TCF4: variants seen among roughly 807,000 people sequenced by gnomAD.
The protein encoded by TCF4 is transcription factor 4.
Under a neutral mutation model 82.1 loss-of-function variants are expected in TCF4, and 3 were observed. The ratio of observed to expected loss-of-function variants is 0.04; its 90% CI spans 0.02 to 0.09. The LOEUF (loss-of-function observed/expected upper bound fraction) is 0.09. TCF4 is among the 10% of genes least tolerant of loss of function. TCF4 has a pLI of 1.00. For missense variants in TCF4, 518 were observed against 852.7 expected, an observed-to-expected ratio of 0.61 and a Z score of 4.89; for synonymous variants, 276 against 309.6, an observed-to-expected ratio of 0.89 and a Z score of 1.14.
At chr18:55,498,147 T>C (rs973993753) in intron 3 of TCF4, among the ~76,000 whole-genome samples, 5 of 152,224 alleles carry the variant, frequency 3.3e-5, no homozygotes, top group East Asian at 1.9e-4. Flanking sequence ...AAGCATAAGA[T>C]GTGAAGACCT....
chr18:55,522,676 A>T (rs1364002658), intron 3 of TCF4, among the ~76,000 whole-genome samples: 2 of 152,120 alleles, frequency 1.3e-5, no homozygotes, highest in Non-Finnish European at 2.9e-5. Context: ...ATGGAAAAAA[A>T]GAGATAATAA....
Position 55,369,115 on chromosome 18 carries a change from A to G in TCF4, c.370-18112T>C, listed in dbSNP as rs533263481. ...GACGTCTGTTGAAACTGGATAATGAATACATAGTAGCGCATCTTATAATAC... is the reference window on the plus strand; with the variant it reads ...GACGTCTGTTGAAACTGGATAATGAGTACATAGTAGCGCATCTTATAATAC... On this transcript the variant is annotated intron_variant, in intron 6 of 19. Coordinates refer to ENST00000354452, the MANE Select transcript of TCF4 (RefSeq NM_001083962.2). Among the ~76,000 whole-genome samples the G allele has an allele frequency of 6.6e-4, 100 of 152,316 alleles. 2 individuals are homozygous for G. The South Asian group carries it at 0.019, about 30-fold the overall frequency.
chr18:55,313,103 T>C (rs1189804324), intron 8 of TCF4, among the ~76,000 whole-genome samples: 1 of 152,138 alleles, frequency 6.6e-6, no homozygotes, highest in Non-Finnish European at 1.5e-5. Flanking sequence ...AGGCTCCCAT[T>C]TCTTTACTGA....
chr18:55,303,374 C>T (rs1309942593), intron 8 of TCF4, among the ~76,000 whole-genome samples: 1 of 152,030 alleles, frequency 6.6e-6, no homozygotes, highest in Admixed American at 6.6e-5. Flanking sequence ...GGATTATCAC[C>T]TCCAATTAAG....
intron 7 of TCF4, 93 bp downstream of exon 7, chr18:55,350,781 A>T: frequency 6.4e-7 from 1 of 1,560,298 alleles, no homozygotes; most frequent in Non-Finnish European, 8.8e-7. Flanking sequence ...TTGGGGTGGG[A>T]GGTAGGATGG....
chr18:55,403,340 A>C, intron 6 of TCF4, 114 bp downstream of exon 6: 1 of 1,177,574 alleles, frequency 8.5e-7, no homozygotes. Context: ...CCATCATCTG[A>C]CTTGCCGGTG....
intron 2 of TCF4, among the ~76,000 whole-genome samples, chr18:55,620,149 C>T (rs879760121): frequency 6.6e-6 from 1 of 152,298 alleles, no homozygotes; most frequent in Admixed American, 6.5e-5. Context: ...TCACCTTCCA[C>T]CATGATTGTA....
intron 3 of TCF4, among the ~76,000 whole-genome samples, chr18:55,564,872 C>T (rs2097389046): frequency 6.6e-6 from 1 of 152,104 alleles, no homozygotes; most frequent in Admixed American, 6.5e-5. Flanking sequence ...TCCCAACAAC[C>T]CTATTTCTAT....
intron 3 of TCF4, among the ~76,000 whole-genome samples, chr18:55,465,845 A>G (rs1004158219): frequency 6.6e-6 from 1 of 152,208 alleles, no homozygotes; most frequent in African/African-American, 2.4e-5. Flanking sequence ...CTTTTCACCT[A>G]TAACAGCCAG....
At chr18:55,378,897 T>C (rs1233659783) in intron 6 of TCF4, among the ~76,000 whole-genome samples, 1 of 152,228 alleles carries the variant, frequency 6.6e-6, no homozygotes, top group Non-Finnish European at 1.5e-5. Context: ...CGTAGGGAAC[T>C]TGGTCTTTTC....
intron 6 of TCF4, among the ~76,000 whole-genome samples, chr18:55,388,626 G>A (rs1237478797): frequency 6.6e-6 from 1 of 152,088 alleles, no homozygotes; most frequent in East Asian, 1.9e-4. Context: ...TGAATAGAGA[G>A]CTGGAACCAT....
chr18:55,310,101 C>A (rs953781406), intron 8 of TCF4, among the ~76,000 whole-genome samples: 1 of 152,162 alleles, frequency 6.6e-6, no homozygotes, highest in African/African-American at 2.4e-5. Context: ...CAGTTTAGGG[C>A]AAACTTATAG....
intron 5 of TCF4, among the ~76,000 whole-genome samples, chr18:55,405,540 A>T (rs1487518568): frequency 6.6e-6 from 1 of 152,170 alleles, no homozygotes; most frequent in Middle Eastern, 3.2e-3. Context: ...CCCCTGTAGA[A>T]TTTCACCACT....
intron 3 of TCF4, among the ~76,000 whole-genome samples, chr18:55,516,712 C>T (rs2096885617): frequency 6.6e-6 from 1 of 152,056 alleles, no homozygotes; most frequent in Non-Finnish European, 1.5e-5. Context: ...GTGTTCCTAA[C>T]AGAAAGGATA....
intron 3 of TCF4, among the ~76,000 whole-genome samples, chr18:55,488,905 T>C (rs2096546410): frequency 6.6e-6 from 1 of 152,236 alleles, no homozygotes; most frequent in African/African-American, 2.4e-5. Flanking sequence ...GACGATTGTG[T>C]GTACCTGTGC....
intron 6 of TCF4, among the ~76,000 whole-genome samples, chr18:55,399,206 CAAAG>C (rs2093661278): frequency 6.6e-6 from 1 of 152,056 alleles, no homozygotes; most frequent in Admixed American, 6.6e-5. Flanking sequence ...AATAACAAGA[CAAAG>C]AAATCAATTC....
intron 5 of TCF4, among the ~76,000 whole-genome samples, chr18:55,416,831 G>A (rs1367551019): frequency 2.0e-5 from 3 of 152,198 alleles, no homozygotes; most frequent in African/African-American, 7.2e-5. Flanking sequence ...CGGGGATAAT[G>A]CCTCTTTACG....
intron 3 of TCF4, among the ~76,000 whole-genome samples, chr18:55,472,817 T>A (rs2096213956): frequency 6.6e-6 from 1 of 151,988 alleles, no homozygotes; most frequent in Admixed American, 6.6e-5. Flanking sequence ...AATGTGAAAA[T>A]ATTGCAAGGA....
At chr18:55,454,547 C>T (rs1303930750) in intron 5 of TCF4, among the ~76,000 whole-genome samples, 9 of 152,000 alleles carry the variant, frequency 5.9e-5, no homozygotes, top group Non-Finnish European at 1.0e-4. Context: ...TTTATTTATC[C>T]CCAACCAATC....
Sources: gnomAD v4.1 joint callset for allele counts (sites outside exome capture counted in the v4.1 genomes callset) on GRCh38, gnomAD v4.1.1 for gene constraint, MANE v1.5 for transcripts, NCBI Gene and HGNC (gene_info 2026-07-23, HGNC 2026-07-21) for gene names.